WDR17: variants seen among roughly 807,000 people sequenced by gnomAD.
The protein encoded by WDR17 is WD repeat domain 17, also known as WD repeat-containing protein 17.
Under a neutral mutation model 161.7 loss-of-function variants are expected in WDR17, and 143 were observed. The observed-to-expected ratio is 0.88, with a 90% CI of 0.77 to 1.02. WDR17 has a LOEUF of 1.02. Among genes scored for constraint, WDR17 ranks in the 50% least tolerant of loss-of-function variants. WDR17 has a pLI of 0.00. For synonymous variants in WDR17, 517 were observed against 515.6 expected (o/e 1.00, Z -0.04); for missense variants, 1,469 against 1,520.9 (o/e 0.97, Z 0.57).
intron 1 of WDR17, 122 bp from the exon 2 acceptor site, chr4:176,111,453 A>G: frequency 9.4e-7 from 1 of 1,066,810 alleles, no homozygotes; most frequent in Non-Finnish European, 1.3e-6. Context: ...GTCAAAATTA[A>G]TAGTACTAGT....
chr4:176,175,670 G>C (rs1454263095), intron 26 of WDR17, among the ~76,000 whole-genome samples: 1 of 150,180 alleles, frequency 6.7e-6, no homozygotes, highest in African/African-American at 2.5e-5. Context: ...CCATTCTCCT[G>C]CCTCAGCCTC....
chr4:176,076,214 A>AATATAT (rs1219401869), intron 1 of WDR17, among the ~76,000 whole-genome samples: 906 of 61,614 alleles, frequency 0.015, 2 homozygotes, highest in African/African-American at 0.017. Flanking sequence ...TTACATATAT[A>AATATAT]ATATATATAT....
chr4:176,101,943 G>A (rs1192831960), intron 1 of WDR17, among the ~76,000 whole-genome samples: 2 of 152,138 alleles, frequency 1.3e-5, no homozygotes, highest in Non-Finnish European at 2.9e-5. Flanking sequence ...TAACATAAGA[G>A]AAAACCTGGA....
At chr4:176,119,327 C>T (rs1004547089) in intron 3 of WDR17, among the ~76,000 whole-genome samples, 1 of 152,090 alleles carries the variant, frequency 6.6e-6, no homozygotes, top group African/African-American at 2.4e-5. Context: ...AATAAAATGA[C>T]TTGTTTTTCT....
At chr4:176,149,481 G>A (rs1746755703) in intron 13 of WDR17, among the ~76,000 whole-genome samples, 1 of 151,980 alleles carries the variant, frequency 6.6e-6, no homozygotes, top group Non-Finnish European at 1.5e-5. Context: ...TGTTGCCCAG[G>A]CCGATCTCAA....
intron 12 of WDR17, 52 bp from the exon 13 acceptor site, chr4:176,148,081 C>G: frequency 6.6e-7 from 1 of 1,504,434 alleles, no homozygotes; most frequent in East Asian, 2.3e-5. Context: ...TGTTAATACT[C>G]TAGATACATT....
At chr4:176,120,301 T>TATATAC (rs1741354787) in intron 4 of WDR17, among the ~76,000 whole-genome samples, 1 of 76,304 alleles carries the variant, frequency 1.3e-5, no homozygotes, top group South Asian at 4.8e-4. Flanking sequence ...TATATATATA[T>TATATAC]ATATATATAT....
chr4:176,130,637 G>C lies in WDR17; in HGVS notation c.914-917G>C, dbSNP rs996662948. ...GCAGGAGCCTGTAGTCCCAGCTACT[G>C]GGGAGGCTGAGGCAAGAGAATGGCG... On this transcript the variant is annotated intron_variant, in intron 6 of 28. Coordinates refer to ENST00000508596, the MANE Select transcript of WDR17 (RefSeq NM_181265.4). Among the ~76,000 whole-genome samples, 52 of 151,622 alleles carry C rather than the reference G, an allele frequency of 3.4e-4. 1 individual carries two copies. Among genetic ancestry groups the C allele is most frequent in the Admixed American group, 1.4e-3 (21 of 15,208 alleles).
At position 176,115,786 on chromosome 4, in the gene WDR17, T is replaced by G; in HGVS notation, c.124-10T>G. 1 of 1,568,002 alleles carries G rather than the reference T, an allele frequency of 6.4e-7. No homozygotes were observed. Among genetic ancestry groups the G allele is most frequent in the Non-Finnish European group, 8.6e-7 (1 of 1,157,758 alleles). On this transcript the variant is annotated splice_polypyrimidine_tract_variant and intron_variant, in intron 2 of 28. Coordinates refer to ENST00000508596, the MANE Select transcript of WDR17 (RefSeq NM_181265.4). ...GCACTAAAATATTTTATTTATATAT[T>G]TTGTTTTAGTTGGATCACCGTTATA...
chr4:176,082,915 AC>A (rs956191297), intron 1 of WDR17, among the ~76,000 whole-genome samples: 2 of 147,056 alleles, frequency 1.4e-5, no homozygotes, highest in African/African-American at 4.9e-5. Flanking sequence ...AAAAGCTTAT[AC>A]TTTTTCTGCT....
At chr4:176,152,595 CAAAAAAAAAAAAAA>C (rs34451055) in intron 17 of WDR17, among the ~76,000 whole-genome samples, 7 of 37,238 alleles carry the variant, frequency 1.9e-4, no homozygotes, top group African/African-American at 2.3e-4. Context: ...AACTCCATCT[CAAAAAAAAAAAAAA>C]AAAAAAAAAA....
intron 8 of WDR17, 180 bp downstream of exon 8, chr4:176,135,456 G>A: frequency 3.0e-6 from 2 of 658,948 alleles, no homozygotes; most frequent in Non-Finnish European, 2.5e-6. Flanking sequence ...TATCTGCAGA[G>A]GCACTTTGAT....
intron 12 of WDR17, among the ~76,000 whole-genome samples, chr4:176,147,026 C>A (rs1746291633): frequency 6.6e-6 from 1 of 151,928 alleles, no homozygotes; most frequent in South Asian, 2.1e-4. Flanking sequence ...GCCACCACGC[C>A]CAGCTAATTT....
At chr4:176,073,204 T>G (rs1010591181) in intron 1 of WDR17, among the ~76,000 whole-genome samples, 35 of 152,170 alleles carry the variant, frequency 2.3e-4, no homozygotes, top group Non-Finnish European at 3.8e-4. Flanking sequence ...GCTGCACCCA[T>G]TAACTTGTCA....
Position 176,120,055 on chromosome 4 carries a change from G to A in WDR17, c.496G>A (p.Val166Met), listed in dbSNP as rs200085923. The A allele has an allele frequency of 2.1e-4, 337 of 1,613,802 alleles. No homozygotes were observed. Among genetic ancestry groups the A allele is most frequent in the Non-Finnish European group, 2.7e-4 (317 of 1,179,920 alleles). The change falls in exon 4 of 29, where the codon GTG becomes ATG. Residue 166 changes from valine (V) to methionine (M), a missense_variant. By Grantham distance (21) the Val-to-Met change is conservative. Coordinates refer to ENST00000508596, the MANE Select transcript of WDR17 (RefSeq NM_181265.4). The stretch of plus-strand genomic sequence containing the variant: ...GCATACACACCAAAAGGGGAAAGTT[G>A]TGTTTGGTCATATTGATGGAAGTCT... ...RWHTHQKGKVVFGHIDGSLSI... is the reference protein window; with the variant it reads ...RWHTHQKGKVMFGHIDGSLSI...
intron 1 of WDR17, among the ~76,000 whole-genome samples, chr4:176,092,141 C>CA (rs1736205016): frequency 6.6e-6 from 1 of 151,842 alleles, no homozygotes; most frequent in Non-Finnish European, 1.5e-5. Context: ...AAAGACCCAA[C>CA]AAAAAAAGAA....
chr4:176,134,940 A>T (rs769643545), intron 7 of WDR17, among the ~76,000 whole-genome samples, 168 bp from the exon 8 acceptor site: 3 of 151,710 alleles, frequency 2.0e-5, no homozygotes, highest in Non-Finnish European at 4.4e-5. Context: ...CACAGAGAAC[A>T]TTCAATCACT....
At chr4:176,078,127 T>A (rs1030760552) in intron 1 of WDR17, among the ~76,000 whole-genome samples, 6 of 152,142 alleles carry the variant, frequency 3.9e-5, no homozygotes, top group African/African-American at 9.7e-5. Flanking sequence ...TTCCTTCTTA[T>A]TGCTGCAGAA....
chr4:176,161,138 A>G, intron 20 of WDR17, 136 bp downstream of exon 20: 1 of 557,368 alleles, frequency 1.8e-6, no homozygotes, highest in Non-Finnish European at 3.0e-6. Flanking sequence ...ACCATGATCC[A>G]GTTCCATACA....
Sources: allele counts gnomAD v4.1 joint callset (sites outside exome capture counted in the v4.1 genomes callset), GRCh38; gene constraint gnomAD v4.1.1; transcripts MANE v1.5; gene names NCBI Gene and HGNC (gene_info 2026-07-23, HGNC 2026-07-21).